Variants in SLC44A5 observed in about 807,000 individuals in gnomAD.
SLC44A5 encodes solute carrier family 44 member 5, also known as choline transporter-like protein 5.
A neutral mutation model predicts 101.8 loss-of-function variants in SLC44A5; 57 were observed. That is an observed-to-expected ratio of 0.56 (90% CI 0.45 to 0.70). The LOEUF (loss-of-function observed/expected upper bound fraction) is 0.70. Ranked by LOEUF, SLC44A5 falls within the 30% of genes least tolerant of loss-of-function variation. The pLI is 0.00. For missense variants in SLC44A5, 737 were observed against 853.1 expected (o/e 0.86, Z 1.70); for synonymous variants, 281 against 290.9 (o/e 0.97, Z 0.35).
intron 2 of SLC44A5, among the ~76,000 whole-genome samples, chr1:75,477,558 G>A (rs1667506634): frequency 6.6e-6 from 1 of 152,176 alleles, no homozygotes; most frequent in South Asian, 2.1e-4. Context: ...AGTGCTTAAA[G>A]GAGCTGATGG....
intron 2 of SLC44A5, among the ~76,000 whole-genome samples, chr1:75,422,090 G>A (rs1167497827): frequency 6.6e-6 from 1 of 152,166 alleles, no homozygotes; most frequent in Non-Finnish European, 1.5e-5. Flanking sequence ...GTGTGCACGT[G>A]TGCTTAAGAG....
intron 1 of SLC44A5, among the ~76,000 whole-genome samples, chr1:75,609,644 C>A (rs1188833105): frequency 6.6e-6 from 1 of 151,810 alleles, no homozygotes; most frequent in African/African-American, 2.4e-5. Flanking sequence ...CTCAAAAAAG[C>A]AGAGGAGAAA....
intron 2 of SLC44A5, among the ~76,000 whole-genome samples, chr1:75,433,843 G>C (rs996592151): frequency 1.3e-5 from 2 of 152,128 alleles, no homozygotes; most frequent in African/African-American, 2.4e-5. Context: ...CCACATGGCT[G>C]AGGAGGCTTC....
intron 2 of SLC44A5, among the ~76,000 whole-genome samples, chr1:75,478,786 C>T (rs1667612061): frequency 6.6e-6 from 1 of 152,136 alleles, no homozygotes; most frequent in African/African-American, 2.4e-5. Context: ...GATTTAGACT[C>T]CCACACAATA....
chr1:75,646,700 T>C, the SLC44A5 span, among the ~76,000 whole-genome samples: 1 of 152,172 alleles, frequency 6.6e-6, no homozygotes, highest in Non-Finnish European at 1.5e-5. Context: ...CCCCTTTTGC[T>C]TGGCACTTCT....
intron 1 of SLC44A5, among the ~76,000 whole-genome samples, chr1:75,578,320 A>G (rs1673488114): frequency 6.6e-6 from 1 of 152,076 alleles, no homozygotes; most frequent in Admixed American, 6.5e-5. Flanking sequence ...TAACTGAAAT[A>G]GCACAAAAAA....
intron 1 of SLC44A5, among the ~76,000 whole-genome samples, chr1:75,604,290 T>A (rs1243832764): frequency 1.3e-5 from 2 of 152,122 alleles, no homozygotes; most frequent in Non-Finnish European, 2.9e-5. Flanking sequence ...CATTGCTGAT[T>A]TTGGTTTACT....
chr1:75,523,039 A>G (rs909912668), intron 2 of SLC44A5, among the ~76,000 whole-genome samples: 2 of 152,210 alleles, frequency 1.3e-5, no homozygotes, highest in Non-Finnish European at 2.9e-5. Context: ...ACTATGTGCC[A>G]GGACCTAAGT....
chr1:75,598,734 T>G (rs372519567), intron 1 of SLC44A5, among the ~76,000 whole-genome samples: 3 of 152,208 alleles, frequency 2.0e-5, no homozygotes, highest in African/African-American at 7.2e-5. Flanking sequence ...TGAGAGCACA[T>G]GGACACATAG....
chr1:75,666,229 T>TGGTTGATTG, the SLC44A5 span, among the ~76,000 whole-genome samples: 1 of 152,086 alleles, frequency 6.6e-6, no homozygotes, highest in Non-Finnish European at 1.5e-5. Context: ...TAAGTGCCCA[T>TGGTTGATTG]CCATGGTGGA....
chr1:75,213,899 T>C lies in SLC44A5; in HGVS notation c.1873+20A>G. On this transcript the variant is annotated intron_variant, in intron 21 of 23. Transcript: ENST00000370859. ...ATCTTTTAAACTTTTTTTTTTATTA[T>C]TTTCATCATGATTACTTACCTATAC... The C allele has an allele frequency of 6.4e-7, 1 of 1,551,464 alleles. No homozygotes were observed. Among genetic ancestry groups the C allele is most frequent in the Non-Finnish European group, 8.8e-7 (1 of 1,139,068 alleles).
At chr1:75,365,832 G>C (rs1012719822) in intron 3 of SLC44A5, among the ~76,000 whole-genome samples, 7 of 151,910 alleles carry the variant, frequency 4.6e-5, no homozygotes, top group African/African-American at 1.5e-4. Context: ...GTTACCAGGG[G>C]GGTTAAATGT....
chr1:75,403,949 T>G (rs1166479168), intron 2 of SLC44A5, among the ~76,000 whole-genome samples: 1 of 151,936 alleles, frequency 6.6e-6, no homozygotes, highest in East Asian at 1.9e-4. Context: ...CTAAGAACCT[T>G]GCAAAAAAGT....
the SLC44A5 span, among the ~76,000 whole-genome samples, chr1:75,650,587 T>C: frequency 6.6e-6 from 1 of 152,370 alleles, no homozygotes; most frequent in African/African-American, 2.4e-5. Flanking sequence ...CTGAACCAAG[T>C]CTAATTATTT....
intron 3 of SLC44A5, among the ~76,000 whole-genome samples, chr1:75,343,383 T>A (rs1193340889): frequency 6.6e-6 from 1 of 152,154 alleles, no homozygotes; most frequent in African/African-American, 2.4e-5. Flanking sequence ...AGGTAACTAA[T>A]TCAATTCATA....
At chr1:75,259,180 T>C (rs1434161803) in intron 6 of SLC44A5, among the ~76,000 whole-genome samples, 1 of 152,146 alleles carries the variant, frequency 6.6e-6, no homozygotes, top group Non-Finnish European at 1.5e-5. Context: ...AGAATGAGTT[T>C]GACAAATTGA....
At chr1:75,292,872 T>C (rs1377684898) in intron 5 of SLC44A5, among the ~76,000 whole-genome samples, 3 of 152,192 alleles carry the variant, frequency 2.0e-5, no homozygotes, top group Non-Finnish European at 4.4e-5. Context: ...TTTTATTAAA[T>C]AAAATACAGT....
chr1:75,667,533 C>G, the SLC44A5 span, among the ~76,000 whole-genome samples: 1 of 152,146 alleles, frequency 6.6e-6, no homozygotes, highest in Admixed American at 6.6e-5. Flanking sequence ...AATGCTATCC[C>G]CATCAAGCTA....
intron 2 of SLC44A5, among the ~76,000 whole-genome samples, chr1:75,436,637 G>A (rs1030001700): frequency 5.3e-5 from 8 of 152,000 alleles, no homozygotes; most frequent in Non-Finnish European, 1.5e-5. Flanking sequence ...CAACATTTGG[G>A]CTACACAAAA....
Sources: allele counts gnomAD v4.1 joint callset (sites outside exome capture counted in the v4.1 genomes callset), GRCh38; gene constraint gnomAD v4.1.1; transcripts MANE v1.5; gene names NCBI Gene and HGNC (gene_info 2026-07-23, HGNC 2026-07-21).